TANGO6: variants seen among roughly 807,000 people sequenced by gnomAD.
The protein encoded by TANGO6 is transport and Golgi organization protein 6 homolog.
In TANGO6, 90 loss-of-function variants were observed where a neutral mutation model predicts 114.2. The ratio of observed to expected loss-of-function variants is 0.79; its 90% CI spans 0.66 to 0.94. TANGO6 has a LOEUF of 0.94. Ranked by LOEUF, TANGO6 falls within the 40% of genes least tolerant of loss-of-function variation. The pLI, the probability that TANGO6 is intolerant of heterozygous loss-of-function variation, is 0.00. For missense variants in TANGO6, 1,274 were observed against 1,315.3 expected (o/e 0.97, Z 0.49); for synonymous variants, 477 against 509.8 (o/e 0.94, Z 0.87).
At chr16:68,918,946 G>A in intron 11 of TANGO6, 139 bp from the exon 12 acceptor site, 1 of 979,532 alleles carries the variant, frequency 1.0e-6, no homozygotes, top group Non-Finnish European at 1.5e-6. Flanking sequence ...ACATCTGCAT[G>A]GTAAGTAGCA....
chr16:68,941,429 T>C (rs554891069), intron 14 of TANGO6, among the ~76,000 whole-genome samples: 3 of 152,110 alleles, frequency 2.0e-5, no homozygotes, highest in African/African-American at 4.8e-5. Flanking sequence ...TCTTGGAAAT[T>C]TGTATTGAGT....
chr16:68,972,351 G>A (rs1017513939), intron 14 of TANGO6, among the ~76,000 whole-genome samples: 5 of 152,114 alleles, frequency 3.3e-5, no homozygotes, highest in African/African-American at 7.2e-5. Flanking sequence ...GAGTGTGGAT[G>A]TGATTTAGAA....
chr16:68,878,754 TA>T (rs1245911755), intron 6 of TANGO6, among the ~76,000 whole-genome samples: 14 of 152,154 alleles, frequency 9.2e-5, no homozygotes, highest in Non-Finnish European at 1.8e-4. Flanking sequence ...GTTTTAGAGC[TA>T]TTTTTTTTTT....
chr16:68,930,489 T>TTCAGTGTC (rs576350612), intron 14 of TANGO6, among the ~76,000 whole-genome samples, 194 bp downstream of exon 14: 69 of 152,222 alleles, frequency 4.5e-4, no homozygotes, highest in Middle Eastern at 6.8e-3. Context: ...CCTATAGAGT[T>TTCAGTGTC]TCAGTGTCTC....
chr16:68,906,432 C>A (rs549469337), intron 9 of TANGO6, among the ~76,000 whole-genome samples: 2 of 152,290 alleles, frequency 1.3e-5, no homozygotes, highest in East Asian at 3.9e-4. Flanking sequence ...TGAATGACAT[C>A]CAAGGCCTTC....
intron 17 of TANGO6, among the ~76,000 whole-genome samples, chr16:69,054,562 A>T (rs950282865): frequency 7.2e-5 from 11 of 152,160 alleles, no homozygotes; most frequent in Admixed American, 7.2e-4. Flanking sequence ...TTACCAGGGC[A>T]TCAGGCATAC....
rs1480323018 is a variant in TANGO6 at position 68,927,974 on chromosome 16, C to A, written c.2534C>A (p.Ser845Ter). The change falls in exon 13 of 18, where the codon TCA becomes TAA. Residue 845 changes from serine (S) to a stop codon, truncating the protein, a stop_gained. Transcript: ENST00000261778. LOFTEE classifies it high-confidence loss of function. ...GAACAGCTCCAAGAGGTTCTTTTGTCAGCTTATGACCCTCAAATTCCAACA... is the reference window on the plus strand; with the variant it reads ...GAACAGCTCCAAGAGGTTCTTTTGTAAGCTTATGACCCTCAAATTCCAACA... ...TTEQLQEVLL[S>*]AYDPQIPTRA... The A allele has an allele frequency of 1.2e-6, 2 of 1,613,428 alleles. No homozygotes were observed. The highest frequency in any genetic ancestry group is 2.2e-5 in the South Asian group (2 of 90,952).
At chr16:68,907,047 G>A (rs1046208210) in intron 9 of TANGO6, among the ~76,000 whole-genome samples, 16 of 151,024 alleles carry the variant, frequency 1.1e-4, no homozygotes, top group South Asian at 4.2e-4. Flanking sequence ...CACCCGCCTC[G>A]GCTTCCCAAA....
intron 15 of TANGO6, among the ~76,000 whole-genome samples, chr16:69,006,167 C>T (rs1415560122): frequency 3.9e-5 from 6 of 152,012 alleles, no homozygotes. Context: ...GAACTCAGTT[C>T]CTGTAGTGGG....
At chr16:68,844,079 C>G (rs1961767598) in intron 1 of TANGO6, among the ~76,000 whole-genome samples, 5 of 152,148 alleles carry the variant, frequency 3.3e-5, no homozygotes. Flanking sequence ...ATGTGAGGTC[C>G]TAGCCGCGTG....
chr16:69,010,960 A>G (rs564200620), intron 15 of TANGO6, among the ~76,000 whole-genome samples: 15 of 152,330 alleles, frequency 9.8e-5, no homozygotes, highest in African/African-American at 3.6e-4. Flanking sequence ...AATAATTCTG[A>G]ATCACCAGGA....
chr16:68,859,822 A>G (rs903163971), intron 1 of TANGO6, 62 bp from the exon 2 acceptor site: 4 of 1,479,068 alleles, frequency 2.7e-6, no homozygotes, highest in Non-Finnish European at 2.7e-6. Flanking sequence ...AGGGCATTCC[A>G]CAGGGGGAAG....
At chr16:68,855,263 A>G (rs1961967757) in intron 1 of TANGO6, among the ~76,000 whole-genome samples, 1 of 151,996 alleles carries the variant, frequency 6.6e-6, no homozygotes, top group South Asian at 2.1e-4. Context: ...GAGAGTTTGT[A>G]TATTTTGTGT....
At chr16:68,877,119 A>G (rs1204502181) in intron 5 of TANGO6, among the ~76,000 whole-genome samples, 1 of 152,144 alleles carries the variant, frequency 6.6e-6, no homozygotes, top group Admixed American at 6.6e-5. Flanking sequence ...CTATTTTCCC[A>G]CATTTTTACC....
intron 15 of TANGO6, among the ~76,000 whole-genome samples, chr16:68,991,662 A>G (rs71395891): frequency 1.3e-5 from 2 of 151,938 alleles, no homozygotes; most frequent in Admixed American, 6.6e-5. Flanking sequence ...AAATAAAAAT[A>G]CAAAAATTAG....
chr16:68,873,049 A>C (rs1451282673), intron 4 of TANGO6, among the ~76,000 whole-genome samples: 1 of 151,418 alleles, frequency 6.6e-6, no homozygotes, highest in African/African-American at 2.4e-5. Flanking sequence ...GGTGTTTAGT[A>C]TATTCACAGA....
At chr16:68,970,805 C>T (rs754504484) in intron 14 of TANGO6, among the ~76,000 whole-genome samples, 12 of 152,194 alleles carry the variant, frequency 7.9e-5, no homozygotes, top group South Asian at 2.1e-4. Flanking sequence ...AAAGTCATGA[C>T]TACATTCCTA....
intron 14 of TANGO6, among the ~76,000 whole-genome samples, chr16:68,931,010 C>A (rs6499209): frequency 0.42 from 63,098 of 152,022 alleles, 13,322 homozygotes; most frequent in African/African-American, 0.5. Context: ...ATTTTCTTAT[C>A]AAAAAATTTT....
intron 6 of TANGO6, 103 bp from the exon 7 acceptor site, chr16:68,880,445 T>A (rs1278021883): frequency 2.9e-6 from 2 of 688,150 alleles, no homozygotes; most frequent in African/African-American, 3.7e-5. Context: ...TCTTAGGTGT[T>A]ACTTACTGAG....
Sources: allele counts gnomAD v4.1 joint callset (sites outside exome capture counted in the v4.1 genomes callset), GRCh38; gene constraint gnomAD v4.1.1; transcripts MANE v1.5; gene names NCBI Gene and HGNC (gene_info 2026-07-23, HGNC 2026-07-21).